Variants in NEK9 observed in about 807,000 individuals in gnomAD.
NEK9 encodes the protein NIMA related kinase 9.
NEK9 carries 75 observed loss-of-function variants against 123.4 expected under a neutral mutation model. The observed-to-expected ratio is 0.61, with a 90% CI of 0.50 to 0.74. The LOEUF is 0.74. NEK9 is among the 30% of genes least tolerant of loss of function. NEK9 has a pLI of 0.00. For synonymous variants in NEK9, 438 were observed against 458.7 expected, an observed-to-expected ratio of 0.95 and a Z score of 0.58; for missense variants, 952 against 1,214.4, an observed-to-expected ratio of 0.78 and a Z score of 3.21.
intron 21 of NEK9, among the ~76,000 whole-genome samples, chr14:75,086,114 G>A (rs1406047413): frequency 2.0e-5 from 3 of 151,044 alleles, no homozygotes; most frequent in East Asian, 2.0e-4. Flanking sequence ...ACTTGAACCC[G>A]GGCGGTGGAG....
In NEK9 at chr14:75,087,235, AG is replaced by A. The variant is rs1441319036; in HGVS notation, c.2605-6del. 6.2e-7 allele frequency: 1 copy of A among 1,600,888 alleles called. No individual in the cohort carries two copies. The highest frequency in any genetic ancestry group is 1.7e-5 in the Admixed American group (1 of 59,662). On this transcript the variant is annotated splice_region_variant and splice_polypyrimidine_tract_variant and intron_variant, in intron 20 of 21. Transcript: ENST00000238616. ...TGCAGGATTCAGCCGAGGTGACTAG[AG>A]AGACAAGAAGGAGATTGCAGGAGGT...
intron 19 of NEK9, 149 bp downstream of exon 19, chr14:75,091,121 A>G: frequency 1.7e-6 from 1 of 584,264 alleles, no homozygotes. Context: ...TGATTAGGCA[A>G]TTTCTTTCCA....
At chr14:75,112,430 C>T (rs1036524800) in intron 8 of NEK9, among the ~76,000 whole-genome samples, 2 of 152,164 alleles carry the variant, frequency 1.3e-5, no homozygotes, top group Non-Finnish European at 2.9e-5. Context: ...CAGGAAATAA[C>T]CTCTGAGGAG....
At chr14:75,105,363 A>G (rs1178536606) in intron 13 of NEK9, among the ~76,000 whole-genome samples, 2 of 152,080 alleles carry the variant, frequency 1.3e-5, no homozygotes, top group African/African-American at 4.8e-5. Flanking sequence ...TAAATGGTAT[A>G]GCTGATTTAG....
intron 13 of NEK9, among the ~76,000 whole-genome samples, chr14:75,104,819 A>G (rs1289381817): frequency 6.6e-6 from 1 of 152,228 alleles, no homozygotes; most frequent in African/African-American, 2.4e-5. Context: ...CAAGTTTTAC[A>G]ATATCAAAGA....
intron 4 of NEK9, among the ~76,000 whole-genome samples, chr14:75,119,266 T>C (rs543599597): frequency 4.0e-5 from 6 of 151,224 alleles, no homozygotes; most frequent in South Asian, 2.1e-4. Flanking sequence ...TGAGTCATGA[T>C]TGCACCACTA....
intron 13 of NEK9, among the ~76,000 whole-genome samples, chr14:75,104,762 C>T (rs1259868585): frequency 2.0e-5 from 3 of 152,252 alleles, no homozygotes; most frequent in East Asian, 1.9e-4. Flanking sequence ...GGATTACAGG[C>T]GTGAGCCATT....
chr14:75,099,205 A>T (rs1894482141), intron 16 of NEK9, among the ~76,000 whole-genome samples: 1 of 152,144 alleles, frequency 6.6e-6, no homozygotes. Context: ...CACGCCTGTA[A>T]TTCCAGCTAC....
At chr14:75,119,186 C>T (rs1374681228) in intron 4 of NEK9, among the ~76,000 whole-genome samples, 1 of 151,668 alleles carries the variant, frequency 6.6e-6, no homozygotes, top group African/African-American at 2.4e-5. Flanking sequence ...GTGGCATACA[C>T]TTGTAGTCCT....
At chr14:75,094,087 G>C (rs905443093) in intron 18 of NEK9, among the ~76,000 whole-genome samples, 3 of 152,124 alleles carry the variant, frequency 2.0e-5, no homozygotes, top group East Asian at 3.8e-4. Flanking sequence ...TGTGCTTAGC[G>C]AAAGATCTTC....
intron 6 of NEK9, among the ~76,000 whole-genome samples, chr14:75,116,011 AAAT>A (rs1249125142): frequency 1.3e-5 from 2 of 152,234 alleles, no homozygotes; most frequent in Non-Finnish European, 2.9e-5. Context: ...GTATTGCAGA[AAAT>A]AAAGCAAACA....
At chr14:75,093,620 A>T (rs1238405429) in intron 18 of NEK9, among the ~76,000 whole-genome samples, 1 of 151,062 alleles carries the variant, frequency 6.6e-6, no homozygotes, top group Non-Finnish European at 1.5e-5. Context: ...TGCCTGGCTA[A>T]TTTTTTTTTG....
rs1026102448 is a variant in NEK9, at chr14:75,120,733, A to G, written c.454-153T>C. 6.4e-6 allele frequency: 4 copies of G among 627,770 alleles called. No individual in the cohort carries two copies. The Admixed American group carries it at 1.2e-4, about 19-fold the overall frequency. 38.9% of individuals were successfully genotyped at this position (627,770 alleles called of 1,614,324 possible). On this transcript the variant is annotated intron_variant, in intron 3 of 21. Transcript: ENST00000238616. ...TCTTCCTTGCAGGTTGAGTAGGCAA[A>G]GAAAAGTGAAGGGGTAAAAAACCAC...
rs185948676 is a variant in NEK9, at chr14:75,120,497, T to G, written c.524+13A>C. ...TAGGGAAGAATCCATCCATAATTTT[T>G]TTTACTTCTTACCTATGAAGGATTC... On this transcript the variant is annotated intron_variant, in intron 4 of 21. Transcript: ENST00000238616. 6.3e-7 allele frequency: 1 copy of G among 1,599,404 alleles called. No individual in the cohort carries two copies. Among genetic ancestry groups the G allele is most frequent in the African/African-American group, 1.3e-5 (1 of 74,524 alleles).
At chr14:75,118,754 G>T in intron 5 of NEK9, 76 bp downstream of exon 5, 2 of 841,040 alleles carry the variant, frequency 2.4e-6, no homozygotes. Flanking sequence ...AGAAAAGTAT[G>T]CAAGATTTAG....
In NEK9 at chr14:75,080,863, A is replaced by T. The variant is rs180971577; in HGVS notation, c.*3701T>A. ...CACTGTGTTAGCCAGGATGGTCTTG[A>T]ACTCCTGACCTGCCCACCTCGGCCT... is the stretch of plus-strand genomic sequence containing the variant. On this transcript the variant is annotated 3_prime_UTR_variant, in exon 22 of 22. Coordinates refer to ENST00000238616, the MANE Select transcript of NEK9 (RefSeq NM_033116.6). The T allele has an allele frequency of 9.4e-4, 143 of 151,634 alleles. No individual in the cohort carries two copies. Among genetic ancestry groups the T allele is most frequent in the African/African-American group, 3.3e-3 (137 of 41,246 alleles). 9.4% of individuals were successfully genotyped at this position (151,634 alleles called of 1,614,324 possible).
At chr14:75,098,065 A>G (rs1396333797) in intron 16 of NEK9, among the ~76,000 whole-genome samples, 1 of 152,174 alleles carries the variant, frequency 6.6e-6, no homozygotes, top group Non-Finnish European at 1.5e-5. Context: ...CCCTCTGTCT[A>G]CTGAGGAGAA....
chr14:75,122,905 C>T (rs1895388333), intron 2 of NEK9, among the ~76,000 whole-genome samples: 1 of 148,900 alleles, frequency 6.7e-6, no homozygotes, highest in Admixed American at 6.7e-5. Flanking sequence ...CTCAAGCCAT[C>T]CTCCCTCCTC....
chr14:75,088,020 C>A (rs929000573), intron 20 of NEK9, among the ~76,000 whole-genome samples: 1 of 152,156 alleles, frequency 6.6e-6, no homozygotes, highest in Non-Finnish European at 1.5e-5. Flanking sequence ...TAGGAAAAGT[C>A]TAAAATAATT....
Sources: allele counts gnomAD v4.1 joint callset (sites outside exome capture counted in the v4.1 genomes callset), GRCh38; gene constraint gnomAD v4.1.1; transcripts MANE v1.5; gene names NCBI Gene and HGNC (gene_info 2026-07-23, HGNC 2026-07-21).